MCF2L2: variants seen among roughly 807,000 people sequenced by gnomAD.
The protein encoded by MCF2L2 is MCF.2 cell line derived transforming sequence-like 2.
Under a neutral mutation model 150.2 loss-of-function variants are expected in MCF2L2, and 102 were observed. The ratio of observed to expected loss-of-function variants is 0.68; its 90% confidence interval spans 0.58 to 0.80. The LOEUF is 0.80. Ranked by LOEUF, MCF2L2 falls within the 30% of genes least tolerant of loss-of-function variation. The pLI is 0.00. For missense variants in MCF2L2, 1,256 were observed against 1,372.8 expected (o/e 0.91, Z 1.34); for synonymous variants, 465 against 491.3 (o/e 0.95, Z 0.71).
intron 27 of MCF2L2, 140 bp downstream of exon 27, chr3:183,192,859 A>G: frequency 1.6e-6 from 1 of 613,910 alleles, no homozygotes; most frequent in East Asian, 2.7e-5. Context: ...TTTAAACCAC[A>G]TGGTGGTAAA....
intron 10 of MCF2L2, among the ~76,000 whole-genome samples, chr3:183,307,369 C>G (rs867470262): frequency 3.3e-5 from 5 of 152,212 alleles, no homozygotes; most frequent in African/African-American, 7.2e-5. Context: ...ATATTGAAAA[C>G]GATCTCAGTT....
chr3:183,333,943 C>T (rs909110051), intron 5 of MCF2L2, among the ~76,000 whole-genome samples: 6 of 123,518 alleles, frequency 4.9e-5, no homozygotes, highest in Admixed American at 9.4e-5. Flanking sequence ...CATATTAGGC[C>T]AGAAAGTAAG....
chr3:183,373,911 G>T (rs562339094), intron 3 of MCF2L2: 11 of 152,092 alleles, frequency 7.2e-5, no homozygotes, highest in African/African-American at 2.7e-4. Flanking sequence ...CGAGATAATT[G>T]TAAGGCTCCT....
At chr3:183,256,160 A>T (rs1725027409) in intron 15 of MCF2L2, among the ~76,000 whole-genome samples, 1 of 152,220 alleles carries the variant, frequency 6.6e-6, no homozygotes, top group Non-Finnish European at 1.5e-5. Context: ...CTTTTCTGAA[A>T]TATTTCCATA....
chr3:183,406,458 G>C (rs1433083012), intron 1 of MCF2L2, among the ~76,000 whole-genome samples: 1 of 152,026 alleles, frequency 6.6e-6, no homozygotes, highest in African/African-American at 2.4e-5. Context: ...ATACATTCTG[G>C]ATCGAGTCCT....
intron 15 of MCF2L2, chr3:183,269,639 G>A (rs1726547348): frequency 3.1e-6 from 2 of 639,756 alleles, no homozygotes; most frequent in Non-Finnish European, 5.1e-6. Context: ...AGAAAAATGG[G>A]ACTAAAAGAA....
At chr3:183,361,027 A>AGAG (rs1399768527) in intron 3 of MCF2L2, among the ~76,000 whole-genome samples, 48 of 131,576 alleles carry the variant, frequency 3.6e-4, no homozygotes, top group African/African-American at 1.3e-3. Flanking sequence ...AGAAAAGAGA[A>AGAG]AAGAAAAGGA....
chr3:183,393,453 A>G (rs976831933), intron 1 of MCF2L2, among the ~76,000 whole-genome samples: 3 of 152,098 alleles, frequency 2.0e-5, no homozygotes, highest in African/African-American at 7.2e-5. Context: ...TCGGCCTCCC[A>G]AAGTGCTGGG....
intron 15 of MCF2L2, among the ~76,000 whole-genome samples, chr3:183,252,140 G>A (rs1724573473): frequency 6.6e-6 from 1 of 151,568 alleles, no homozygotes; most frequent in Non-Finnish European, 1.5e-5. Context: ...AGCTCCAAAT[G>A]ATCTGAAAGG....
chr3:183,182,857 A>G (rs1179343807), intron 27 of MCF2L2, among the ~76,000 whole-genome samples: 1 of 152,104 alleles, frequency 6.6e-6, no homozygotes, highest in Non-Finnish European at 1.5e-5. Context: ...CAGGGATGGT[A>G]ATTGACCACC....
At chr3:183,265,654 C>G (rs1191679504) in intron 15 of MCF2L2, 1 of 152,228 alleles carries the variant, frequency 6.6e-6, no homozygotes, top group Non-Finnish European at 1.5e-5. Context: ...CTCCTAGTGA[C>G]TATGTTCAAT....
At position 183,179,451 on chromosome 3, in the gene MCF2L2, C is replaced by T; in HGVS notation, c.3274G>A (p.Ala1092Thr). Residue 1092 changes from alanine to threonine, a missense_variant, in exon 30 of 30, where the codon GCT becomes ACT. Coordinates refer to ENST00000328913, the MANE Select transcript of MCF2L2 (RefSeq NM_015078.4). The surrounding 1 kb of genome is among the most constrained non-coding windows in gnomAD (Gnocchi z 4.2). ...AAACCAGCCGTCGCCCCCGCAGGAG[C>T]CAGCCGGCCCGTGGACGCCCCAGCG... is the stretch of plus-strand genomic sequence containing the variant. ...ERAGASTGRLAPAGATAGFQA... is the reference protein window; with the variant it reads ...ERAGASTGRLTPAGATAGFQA... The T allele has an allele frequency of 6.3e-7, 1 of 1,590,242 alleles. No individual in the cohort carries two copies. The highest frequency in any genetic ancestry group is 8.6e-7 in the Non-Finnish European group (1 of 1,167,494).
chr3:183,310,555 TG>T, intron 9 of MCF2L2: 1 of 285,306 alleles, frequency 3.5e-6, no homozygotes, highest in South Asian at 2.9e-5. Context: ...TCCAGCTACT[TG>T]GGAGGCTGAG....
intron 10 of MCF2L2, 60 bp downstream of exon 10, chr3:183,309,656 T>C (rs760059066): frequency 2.3e-5 from 37 of 1,608,336 alleles, no homozygotes; most frequent in Non-Finnish European, 3.1e-5. Flanking sequence ...TGACTGGACA[T>C]GATCCATCAT....
rs1343023468 is a variant in MCF2L2, at chr3:183,283,066, C to T, written c.1776+6054G>A. On this transcript the variant is annotated intron_variant, in intron 14 of 29. Coordinates refer to ENST00000328913, the MANE Select transcript of MCF2L2 (RefSeq NM_015078.4). This position sits in a 1 kb window ranked among gnomAD's most constrained non-coding sequence, Gnocchi z 4.2. ...GGAATCCAAGATGGAAACGTCAAAA[C>T]TATCTTTGGTATCATGCTTCCTCCC... Among the ~76,000 whole-genome samples the T allele has an allele frequency of 6.6e-6, 1 of 152,240 alleles. No homozygotes were observed. Among genetic ancestry groups the T allele is most frequent in the Non-Finnish European group, 1.5e-5 (1 of 68,040 alleles).
intron 1 of MCF2L2, among the ~76,000 whole-genome samples, chr3:183,395,486 A>G (rs1714385584): frequency 6.6e-6 from 1 of 152,250 alleles, no homozygotes; most frequent in African/African-American, 2.4e-5. Flanking sequence ...AAAAGTATGC[A>G]CTGGTAGCCT....
Position 183,294,571 on chromosome 3 carries a change from A to G in MCF2L2, c.1675+729T>C, listed in dbSNP as rs544985817. ...TATGTATGTGTGTGTGTGTGTGTGT[A>G]TATATATGTGTATATACATATATGT... On this transcript the variant is annotated intron_variant, in intron 13 of 29. Coordinates refer to ENST00000328913, the MANE Select transcript of MCF2L2 (RefSeq NM_015078.4). Among the ~76,000 whole-genome samples, 967 of 136,320 alleles carry G rather than the reference A, an allele frequency of 7.1e-3. 3 individuals carry two copies. The highest frequency in any genetic ancestry group is 0.012 in the Non-Finnish European group (740 of 63,140). 89.4% of individuals were successfully genotyped at this position (136,320 alleles called of 152,430 possible).
At position 183,228,359 on chromosome 3, in the gene MCF2L2, GAA is replaced by G. The variant is rs1417795067; in HGVS notation, c.2051_2052del (p.Phe684SerfsTer9). On this transcript the variant is annotated frameshift_variant, in exon 18 of 30. Coordinates refer to ENST00000328913, the MANE Select transcript of MCF2L2 (RefSeq NM_015078.4). LOFTEE classifies it high-confidence loss of function. The stretch of plus-strand genomic sequence containing the variant: ...TCAGCACACTTTTCCAACTCTTTTA[GAA>G]AAGTCCTAGAAAAATAAAAGTATAC... ...RELYEFHNRT[F>X]LKELEKCAEN... 1 of 1,610,498 alleles carries G rather than the reference GAA, an allele frequency of 6.2e-7. No homozygotes were observed. The highest frequency in any genetic ancestry group is 2.2e-5 in the East Asian group (1 of 44,844).
At chr3:183,310,727 A>G in intron 9 of MCF2L2, 188 bp downstream of exon 9, 1 of 581,562 alleles carries the variant, frequency 1.7e-6, no homozygotes. Context: ...ATGGGATTCT[A>G]GAACAGTTTG....
Sources: gnomAD v4.1 joint callset for allele counts (sites outside exome capture counted in the v4.1 genomes callset) on GRCh38, gnomAD v4.1.1 for gene constraint, Gnocchi (gnomAD v3.1) non-coding constraint, MANE v1.5 for transcripts, NCBI Gene and HGNC (gene_info 2026-07-23, HGNC 2026-07-21) for gene names.